The following RBFOX1 variants were observed in gnomAD, a reference collection of about 807,000 sequenced individuals.
RBFOX1 encodes the protein RNA binding protein fox-1 homolog 1.
In RBFOX1, 8 loss-of-function variants were observed where a neutral mutation model predicts 57.7. That is an observed-to-expected ratio of 0.14 (90% CI 0.08 to 0.25). RBFOX1 has a LOEUF of 0.25. RBFOX1 is among the 10% of genes least tolerant of loss of function. The probability of loss-of-function intolerance (pLI) is 1.00; values close to 1 mark genes in which losing one functional copy is unlikely to be tolerated. For missense variants in RBFOX1, 611 were observed against 548.5 expected (o/e 1.11, Z -1.14); for synonymous variants, 326 against 222.4 (o/e 1.47, Z -4.15).
At chr16:5,550,301 C>A (rs1260692604) in intron 2 of RBFOX1, among the ~76,000 whole-genome samples, 1 of 152,124 alleles carries the variant, frequency 6.6e-6, no homozygotes, top group African/African-American at 2.4e-5. Context: ...TGTTAGTAAA[C>A]CAAGTGTCTG....
intron 3 of RBFOX1, among the ~76,000 whole-genome samples, chr16:6,800,650 C>G (rs905476845): frequency 6.6e-6 from 1 of 152,094 alleles, no homozygotes; most frequent in Admixed American, 6.5e-5. Flanking sequence ...TTACTTTTTT[C>G]TCTCCCTAAA....
intron 4 of RBFOX1, among the ~76,000 whole-genome samples, chr16:5,884,483 C>T (rs987399837): frequency 2.3e-4 from 35 of 150,376 alleles, no homozygotes; most frequent in Admixed American, 9.3e-4. Flanking sequence ...CCCCCGCCCC[C>T]GGCTAGGGTA....
chr16:7,600,566 C>T (rs887743376), intron 9 of RBFOX1, among the ~76,000 whole-genome samples: 2 of 152,178 alleles, frequency 1.3e-5, no homozygotes, highest in Non-Finnish European at 2.9e-5. Context: ...CGGTGAGGTT[C>T]ACTCATTAGC....
At chr16:5,617,637 C>T (rs962636497) in intron 3 of RBFOX1, among the ~76,000 whole-genome samples, 2 of 152,178 alleles carry the variant, frequency 1.3e-5, no homozygotes, top group African/African-American at 4.8e-5. Context: ...TGTCTTTATT[C>T]TCAGGTATTC....
intron 3 of RBFOX1, among the ~76,000 whole-genome samples, chr16:6,681,674 A>G (rs1453942640): frequency 6.6e-5 from 5 of 76,296 alleles, no homozygotes; most frequent in African/African-American, 3.6e-4. Context: ...TTAACCAGAA[A>G]AAAAAAAAAA....
At chr16:7,204,523 G>T (rs1039316836) in intron 4 of RBFOX1, among the ~76,000 whole-genome samples, 1 of 152,140 alleles carries the variant, frequency 6.6e-6, no homozygotes, top group African/African-American at 2.4e-5. Context: ...ATATGCACCT[G>T]TAGTCCCAGT....
At chr16:6,694,331 C>T (rs1439687020) in intron 3 of RBFOX1, among the ~76,000 whole-genome samples, 4 of 152,154 alleles carry the variant, frequency 2.6e-5, no homozygotes, top group Non-Finnish European at 2.9e-5. Context: ...GATTATCTGG[C>T]ATTTGGAGTT....
intron 3 of RBFOX1, among the ~76,000 whole-genome samples, chr16:5,607,819 A>G (rs144021099): frequency 8.9e-4 from 135 of 152,296 alleles, no homozygotes; most frequent in Admixed American, 1.8e-3. Context: ...CTTTCCCTCA[A>G]AAGCATCCCT....
At chr16:7,657,466 G>C (rs1239547021) in intron 12 of RBFOX1, among the ~76,000 whole-genome samples, 2 of 152,104 alleles carry the variant, frequency 1.3e-5, no homozygotes, top group Non-Finnish European at 2.9e-5. Context: ...CACCACACCT[G>C]GCTAATTTTT....
intron 2 of RBFOX1, among the ~76,000 whole-genome samples, chr16:6,460,827 C>CGAAAAAA (rs2094900762): frequency 5.7e-5 from 8 of 141,314 alleles, no homozygotes; most frequent in East Asian, 4.2e-4. Context: ...TTCAGAATAC[C>CGAAAAAA]AAAAAAAAAA....
At chr16:6,583,600 A>G (rs1054943879) in intron 2 of RBFOX1, among the ~76,000 whole-genome samples, 2 of 152,346 alleles carry the variant, frequency 1.3e-5, no homozygotes, top group East Asian at 1.9e-4. Context: ...ACTGGATTCT[A>G]TCCATTCTCT....
Position 7,376,734 on chromosome 16 carries a change from T to C in RBFOX1, c.28-141413T>C, listed in dbSNP as rs570211763. Among the ~76,000 whole-genome samples, 6 of 152,332 alleles carry C rather than the reference T, an allele frequency of 3.9e-5. No homozygotes were observed. In the South Asian group the frequency reaches 1.0e-3, roughly 26 times the overall value. On this transcript the variant is annotated intron_variant, in intron 4 of 15. Coordinates refer to ENST00000550418, the MANE Select transcript of RBFOX1 (RefSeq NM_018723.4). ...GTACAAGTATAATTAATCCAGGTTT[T>C]AGACTCTTAAATAACCGGAAAGTTA...
chr16:5,607,134 C>T (rs2047611762), intron 3 of RBFOX1, among the ~76,000 whole-genome samples: 1 of 152,166 alleles, frequency 6.6e-6, no homozygotes, highest in African/African-American at 2.4e-5. Flanking sequence ...GTCACCAGCT[C>T]TACGCCCAGA....
intron 3 of RBFOX1, among the ~76,000 whole-genome samples, chr16:5,616,372 G>T (rs185982563): frequency 9.8e-5 from 15 of 152,300 alleles, no homozygotes; most frequent in Admixed American, 9.2e-4. Flanking sequence ...CAGCTTGTCT[G>T]CGGTGCTGGC....
intron 3 of RBFOX1, among the ~76,000 whole-genome samples, chr16:6,742,448 A>C (rs2072468139): frequency 6.6e-6 from 1 of 152,230 alleles, no homozygotes; most frequent in Non-Finnish European, 1.5e-5. Flanking sequence ...ATAGACATTT[A>C]CCAATGAGTC....
intron 14 of RBFOX1, among the ~76,000 whole-genome samples, chr16:7,694,210 G>A (rs368122671): frequency 6.9e-4 from 105 of 152,286 alleles, no homozygotes; most frequent in African/African-American, 2.2e-3. Flanking sequence ...TTCAGCCTGC[G>A]AGGGAGGACG....
intron 1 of RBFOX1, among the ~76,000 whole-genome samples, chr16:6,246,842 G>C (rs904484544): frequency 1.3e-5 from 2 of 152,158 alleles, no homozygotes; most frequent in African/African-American, 2.4e-5. Flanking sequence ...GCTGAGGCGG[G>C]CGGATCACCT....
At chr16:7,166,848 G>T (rs1221534660) in intron 4 of RBFOX1, among the ~76,000 whole-genome samples, 1 of 152,028 alleles carries the variant, frequency 6.6e-6, no homozygotes, top group African/African-American at 2.4e-5. Context: ...ACAACTCGGG[G>T]GTGGTGCAGG....
At chr16:6,823,726 C>T (rs1050745351) in intron 3 of RBFOX1, among the ~76,000 whole-genome samples, 5 of 152,096 alleles carry the variant, frequency 3.3e-5, no homozygotes, top group African/African-American at 1.2e-4. Flanking sequence ...TCAATATTTA[C>T]CACCAATTGA....
Sources: gnomAD v4.1 joint callset for allele counts (sites outside exome capture counted in the v4.1 genomes callset) on GRCh38, gnomAD v4.1.1 for gene constraint, MANE v1.5 for transcripts, NCBI Gene and HGNC (gene_info 2026-07-23, HGNC 2026-07-21) for gene names.